SLX9: variants seen among roughly 807,000 people sequenced by gnomAD.
SLX9 encodes the protein SLX9 ribosome biogenesis factor, also known as ribosome biogenesis protein SLX9 homolog.
Under a neutral mutation model 20.8 loss-of-function variants are expected in SLX9, and 19 were observed. That is an observed-to-expected ratio of 0.91 (90% CI 0.64 to 1.34). The LOEUF (loss-of-function observed/expected upper bound fraction) is 1.34, where lower values mean the gene tolerates loss of function less well. Among genes scored for constraint, SLX9 ranks in the 40% most tolerant of loss-of-function variants. The probability of loss-of-function intolerance (pLI) is 0.00; values close to 1 mark genes in which losing one functional copy is unlikely to be tolerated. For missense variants in SLX9, 299 were observed against 322.2 expected, an observed-to-expected ratio of 0.93 and a Z score of 0.55; for synonymous variants, 113 against 137.1, an observed-to-expected ratio of 0.82 and a Z score of 1.23.
chr21:44,975,979 G>A (rs1021729411), intron 5 of SLX9, among the ~76,000 whole-genome samples: 31 of 152,362 alleles, frequency 2.0e-4, no homozygotes, highest in African/African-American at 6.3e-4. Flanking sequence ...CACACAGGCC[G>A]GAGGGGTACA....
intron 2 of SLX9, among the ~76,000 whole-genome samples, chr21:44,952,092 A>G (rs2084768760): frequency 7.3e-6 from 1 of 136,780 alleles, no homozygotes; most frequent in South Asian, 2.1e-4. Flanking sequence ...TGGTTTAAAC[A>G]CACAGCAGCA....
In SLX9 at chr21:44,943,773, T is replaced by C. The variant is rs766547272; in HGVS notation, c.219T>C (p.Ser73=). 1 of 1,613,816 alleles carries C rather than the reference T, an allele frequency of 6.2e-7. No individual in the cohort carries two copies. The highest frequency in any genetic ancestry group is 8.5e-7 in the Non-Finnish European group (1 of 1,179,942). The change falls in exon 2 of 6, where the codon AGT becomes AGC. Residue 73 remains serine (S), a synonymous_variant. Transcript: ENST00000291634. ...LVQKLELDVR[S]VTSVRRGEAG... ...AGAAGCTGGAGCTGGACGTGAGGAG[T>C]GTCACTTCCGTCAGGAGAGGTGAGG...
intron 3 of SLX9, 52 bp from the exon 4 acceptor site, chr21:44,966,982 G>T: frequency 6.4e-7 from 1 of 1,562,358 alleles, no homozygotes; most frequent in Non-Finnish European, 8.7e-7. Context: ...CTCTGGGCCT[G>T]GGCTCCTCCT....
At position 44,956,473 on chromosome 21, in the gene SLX9, G is replaced by T. The variant is rs1285803463; in HGVS notation, c.284-3627G>T. 3.3e-5 allele frequency among the ~76,000 whole-genome samples: 5 copies of T among 152,204 alleles called. 1 individual carries two copies. The highest frequency in any genetic ancestry group is 7.2e-5 in the African/African-American group (3 of 41,466). ...AGAAGGCGTGGCGAGAAGAACCTCG[G>T]CACCACGAGATGCTGCTGGCATGTG... On this transcript the variant is annotated intron_variant, in intron 2 of 5. Coordinates refer to ENST00000291634, the MANE Select transcript of SLX9 (RefSeq NM_058190.4).
At chr21:44,968,159 G>A (rs2085073798) in intron 4 of SLX9, among the ~76,000 whole-genome samples, 1 of 152,040 alleles carries the variant, frequency 6.6e-6, no homozygotes, top group African/African-American at 2.4e-5. Context: ...ACGCACTGAG[G>A]TGCTCCCTCC....
At chr21:44,958,625 G>C (rs1328914624) in intron 2 of SLX9, among the ~76,000 whole-genome samples, 1 of 152,242 alleles carries the variant, frequency 6.6e-6, no homozygotes, top group African/African-American at 2.4e-5. Context: ...AGGCTAGAAG[G>C]GGGAGCAGGC....
chr21:44,958,333 C>T (rs894479924), intron 2 of SLX9: 1 of 152,638 alleles, frequency 6.6e-6, no homozygotes, highest in Non-Finnish European at 1.5e-5. Flanking sequence ...CAGCCCGGCC[C>T]TCCTCCAAGC....
intron 4 of SLX9, among the ~76,000 whole-genome samples, chr21:44,972,337 C>T (rs1403209498): frequency 1.3e-5 from 2 of 152,178 alleles, no homozygotes; most frequent in Non-Finnish European, 2.9e-5. Flanking sequence ...GGCGAGCTCC[C>T]GAAGATTCCC....
intron 3 of SLX9, among the ~76,000 whole-genome samples, chr21:44,965,416 C>A (rs540401263): frequency 6.6e-6 from 1 of 152,152 alleles, no homozygotes; most frequent in African/African-American, 2.4e-5. Flanking sequence ...ATATTGTGGT[C>A]ATCTTTTCCT....
intron 4 of SLX9, among the ~76,000 whole-genome samples, chr21:44,967,429 G>C (rs2085058645): frequency 6.6e-6 from 1 of 152,154 alleles, no homozygotes; most frequent in African/African-American, 2.4e-5. Flanking sequence ...TGGTGGCTCT[G>C]CTGATGCCGA....
chr21:44,945,524 A>C (rs1481407936), intron 2 of SLX9, among the ~76,000 whole-genome samples: 1 of 152,004 alleles, frequency 6.6e-6, no homozygotes, highest in Non-Finnish European at 1.5e-5. Context: ...TGCTGCACTG[A>C]CTGTCACGTC....
intron 3 of SLX9, among the ~76,000 whole-genome samples, chr21:44,964,338 A>G (rs536434995): frequency 6.6e-6 from 1 of 152,008 alleles, no homozygotes; most frequent in Non-Finnish European, 1.5e-5. Flanking sequence ...TTTTCCCTCA[A>G]TTTGCTTTTT....
chr21:44,956,185 C>G (rs907335593), intron 2 of SLX9, among the ~76,000 whole-genome samples: 13 of 152,194 alleles, frequency 8.5e-5, no homozygotes, highest in Admixed American at 3.3e-4. Flanking sequence ...CTGCAGCTGT[C>G]TCCCCCTCGT....
Position 44,956,471 on chromosome 21 carries a change from C to T in SLX9, c.284-3629C>T, listed in dbSNP as rs183772258. 4.6e-5 allele frequency among the ~76,000 whole-genome samples: 7 copies of T among 152,280 alleles called. No individual in the cohort carries two copies. In the East Asian group the frequency reaches 5.8e-4, roughly 13 times the overall value. ...CCAGAAGGCGTGGCGAGAAGAACCTCGGCACCACGAGATGCTGCTGGCATG... is the reference window on the plus strand; with the variant it reads ...CCAGAAGGCGTGGCGAGAAGAACCTTGGCACCACGAGATGCTGCTGGCATG... On this transcript the variant is annotated intron_variant, in intron 2 of 5. Coordinates refer to ENST00000291634, the MANE Select transcript of SLX9 (RefSeq NM_058190.4).
At chr21:44,971,179 G>T (rs1318832578) in intron 4 of SLX9, among the ~76,000 whole-genome samples, 1 of 152,268 alleles carries the variant, frequency 6.6e-6, no homozygotes, top group Non-Finnish European at 1.5e-5. Flanking sequence ...GTCGGGAGGG[G>T]AGTGGTGGTG....
intron 2 of SLX9, among the ~76,000 whole-genome samples, chr21:44,948,382 G>C (rs1216641670): frequency 6.6e-6 from 1 of 151,434 alleles, no homozygotes; most frequent in African/African-American, 2.4e-5. Context: ...AGCTGGTCAT[G>C]CAGCATCGGG....
At chr21:44,954,764 G>A (rs1344607067) in intron 2 of SLX9, among the ~76,000 whole-genome samples, 2 of 152,222 alleles carry the variant, frequency 1.3e-5, no homozygotes, top group East Asian at 3.8e-4. Context: ...ACCTCGGCGG[G>A]GGGTGTCTGC....
chr21:44,943,672 T>C lies in SLX9; in HGVS notation c.130-12T>C, dbSNP rs373722100. On this transcript the variant is annotated splice_polypyrimidine_tract_variant and intron_variant, in intron 1 of 5. Coordinates refer to ENST00000291634, the MANE Select transcript of SLX9 (RefSeq NM_058190.4). The stretch of plus-strand genomic sequence containing the variant: ...ACCTCTTCTTTTCGTCCGTTTTTGT[T>C]GGGGACATTAGGACTGGGCGTTCAT... 3 of 1,612,688 alleles carry C rather than the reference T, an allele frequency of 1.9e-6. No individual in the cohort carries two copies. In the African/African-American group the frequency reaches 4.0e-5, roughly 22 times the overall value.
At chr21:44,958,746 G>T (rs1237563423) in intron 2 of SLX9, among the ~76,000 whole-genome samples, 2 of 152,208 alleles carry the variant, frequency 1.3e-5, no homozygotes, top group Non-Finnish European at 2.9e-5. Context: ...TGCTCCAGCT[G>T]CAGCATTCCA....
Sources: allele counts gnomAD v4.1 joint callset (sites outside exome capture counted in the v4.1 genomes callset), GRCh38; gene constraint gnomAD v4.1.1; transcripts MANE v1.5; gene names NCBI Gene and HGNC (gene_info 2026-07-23, HGNC 2026-07-21).